Variants in PPP3CA observed in about 807,000 individuals in gnomAD.
The protein encoded by PPP3CA is protein phosphatase 3 catalytic subunit alpha, also known as CAM-PRP catalytic subunit.
PPP3CA carries 14 observed loss-of-function variants against 66.5 expected under a neutral mutation model. The ratio of observed to expected loss-of-function variants is 0.21; its 90% CI spans 0.14 to 0.33. PPP3CA has a LOEUF of 0.33. PPP3CA is among the 10% of genes least tolerant of loss of function. The pLI, the probability that PPP3CA is intolerant of heterozygous loss-of-function variation, is 1.00. For synonymous variants in PPP3CA, 232 were observed against 226.2 expected, an observed-to-expected ratio of 1.03 and a Z score of -0.23; for missense variants, 317 against 639.5, an observed-to-expected ratio of 0.50 and a Z score of 5.44.
At chr4:101,155,946 T>C (rs1310955173) in intron 2 of PPP3CA, among the ~76,000 whole-genome samples, 1 of 152,172 alleles carries the variant, frequency 6.6e-6, no homozygotes, top group African/African-American at 2.4e-5. Context: ...ATGTGCTGTG[T>C]ATTGTTTTTA....
At chr4:101,157,006 A>C (rs1157309866) in intron 2 of PPP3CA, among the ~76,000 whole-genome samples, 1 of 152,254 alleles carries the variant, frequency 6.6e-6, no homozygotes, top group Non-Finnish European at 1.5e-5. Flanking sequence ...TCACAGATTA[A>C]CATTCATAAT....
At chr4:101,038,179 C>T (rs993192453) in intron 11 of PPP3CA, among the ~76,000 whole-genome samples, 6 of 152,092 alleles carry the variant, frequency 3.9e-5, no homozygotes, top group African/African-American at 1.4e-4. Flanking sequence ...TGGCTGTGCT[C>T]CTGATAATTT....
intron 3 of PPP3CA, among the ~76,000 whole-genome samples, chr4:101,105,776 G>A (rs1730639418): frequency 6.6e-6 from 1 of 151,984 alleles, no homozygotes; most frequent in South Asian, 2.1e-4. Flanking sequence ...AGAAAGATAG[G>A]AAGTTGTGAA....
intron 1 of PPP3CA, among the ~76,000 whole-genome samples, chr4:101,277,137 T>A (rs544758008): frequency 4.5e-4 from 69 of 152,350 alleles, no homozygotes; most frequent in African/African-American, 1.7e-3. Flanking sequence ...TTTTCCATAA[T>A]ATCACATAGA....
chr4:101,036,214 AC>A, intron 11 of PPP3CA, among the ~76,000 whole-genome samples: 1 of 152,112 alleles, frequency 6.6e-6, no homozygotes, highest in Non-Finnish European at 1.5e-5. Flanking sequence ...TTCTGTTTCT[AC>A]CCCTTTTACT....
At chr4:101,201,535 C>A (rs1308690267) in intron 1 of PPP3CA, among the ~76,000 whole-genome samples, 1 of 152,208 alleles carries the variant, frequency 6.6e-6, no homozygotes, top group African/African-American at 2.4e-5. Context: ...ATGCTGGGCA[C>A]TTTAATTTTC....
intron 10 of PPP3CA, among the ~76,000 whole-genome samples, chr4:101,057,028 A>G (rs916702487): frequency 2.0e-5 from 3 of 151,818 alleles, no homozygotes; most frequent in African/African-American, 7.3e-5. Flanking sequence ...GATTGCTTAT[A>G]CTGAAATATA....
chr4:101,319,113 A>C (rs1472576066), intron 1 of PPP3CA, among the ~76,000 whole-genome samples: 1 of 151,904 alleles, frequency 6.6e-6, no homozygotes, highest in Non-Finnish European at 1.5e-5. Context: ...CCACTTAGAA[A>C]ATTTATTAAA....
At position 101,223,868 on chromosome 4, in the gene PPP3CA, C is replaced by T. The variant is rs559954495; in HGVS notation, c.59-27752G>A. On this transcript the variant is annotated intron_variant, in intron 1 of 13. Coordinates refer to ENST00000394854, the MANE Select transcript of PPP3CA (RefSeq NM_000944.5). ...TAGAGAAAATAAACTTCAATATAAA[C>T]ATCTCTTAAAATAAGAAATGTATAT... Among the ~76,000 whole-genome samples, 10 of 151,818 alleles carry T rather than the reference C, an allele frequency of 6.6e-5. No individual in the cohort carries two copies. The East Asian group carries it at 2.0e-3, about 30-fold the overall frequency.
chr4:101,096,778 A>G (rs1232830538), intron 5 of PPP3CA, among the ~76,000 whole-genome samples: 1 of 152,194 alleles, frequency 6.6e-6, no homozygotes, highest in Admixed American at 6.5e-5. Flanking sequence ...TTAATATGAT[A>G]CATGGATACA....
At chr4:101,184,469 T>C (rs1172364539) in intron 2 of PPP3CA, among the ~76,000 whole-genome samples, 1 of 152,074 alleles carries the variant, frequency 6.6e-6, no homozygotes, top group African/African-American at 2.4e-5. Flanking sequence ...GTGTCTTAAG[T>C]ATAAAATAAA....
intron 1 of PPP3CA, among the ~76,000 whole-genome samples, chr4:101,287,847 T>C (rs72681092): frequency 1.3e-5 from 2 of 152,150 alleles, no homozygotes; most frequent in Non-Finnish European, 2.9e-5. Context: ...TTTAAATTTA[T>C]ATTGCTAATC....
At chr4:101,291,695 G>A (rs1560701520) in intron 1 of PPP3CA, among the ~76,000 whole-genome samples, 1 of 152,208 alleles carries the variant, frequency 6.6e-6, no homozygotes, top group Non-Finnish European at 1.5e-5. Flanking sequence ...ATCTGTAATA[G>A]CAAACACAGG....
chr4:101,111,411 C>T (rs189498589), intron 2 of PPP3CA, among the ~76,000 whole-genome samples: 33 of 152,206 alleles, frequency 2.2e-4, no homozygotes, highest in African/African-American at 7.7e-4. Context: ...CTCCTTGCTG[C>T]CTAACAGAGA....
In PPP3CA at chr4:101,024,556, G is replaced by GGAAAAAAGT. The variant is rs1293465492; in HGVS notation, c.*1300_*1308dup. The GGAAAAAAGT allele has an allele frequency of 6.6e-6, 1 of 152,320 alleles. No homozygotes were observed. The highest frequency in any genetic ancestry group is 1.5e-5 in the Non-Finnish European group (1 of 67,958). 9.4% of individuals were successfully genotyped at this position (152,320 alleles called of 1,614,324 possible). On this transcript the variant is annotated 3_prime_UTR_variant, in exon 14 of 14. Transcript: ENST00000394854. ...TGTAACCCGTAACTGATATACAAAG[G>GGAAAAAAGT]GAAAAAAGTGAAAAAAGTACATATT... is the stretch of plus-strand genomic sequence containing the variant.
intron 3 of PPP3CA, among the ~76,000 whole-genome samples, chr4:101,106,475 G>GAA (rs1464710652): frequency 5.5e-5 from 2 of 36,180 alleles, no homozygotes. Flanking sequence ...GAAAAGAAAA[G>GAA]AAAAGAAAAG....
intron 1 of PPP3CA, among the ~76,000 whole-genome samples, chr4:101,287,664 C>T (rs1455353211): frequency 6.6e-6 from 1 of 152,068 alleles, no homozygotes; most frequent in African/African-American, 2.4e-5. Context: ...GACGCTATTT[C>T]AATTAACACA....
intron 1 of PPP3CA, among the ~76,000 whole-genome samples, chr4:101,227,853 G>A (rs1725833058): frequency 6.6e-6 from 1 of 151,748 alleles, no homozygotes; most frequent in South Asian, 2.1e-4. Flanking sequence ...TTAGGATAAT[G>A]TTCTCCAGCT....
chr4:101,236,519 T>A (rs1256163166), intron 1 of PPP3CA, among the ~76,000 whole-genome samples: 1 of 151,892 alleles, frequency 6.6e-6, no homozygotes, highest in Non-Finnish European at 1.5e-5. Flanking sequence ...CTAGTAAAAT[T>A]CAACAAAATT....
Sources: gnomAD v4.1 joint callset for allele counts (sites outside exome capture counted in the v4.1 genomes callset) on GRCh38, gnomAD v4.1.1 for gene constraint, MANE v1.5 for transcripts, NCBI Gene and HGNC (gene_info 2026-07-23, HGNC 2026-07-21) for gene names.